PTP4A1: variants seen among roughly 807,000 people sequenced by gnomAD.
The protein encoded by PTP4A1 is protein tyrosine phosphatase type IVA 1.
PTP4A1 carries 9 observed loss-of-function variants against 20.5 expected under a neutral mutation model. That is an observed-to-expected ratio of 0.44 (90% CI 0.26 to 0.77). The LOEUF (loss-of-function observed/expected upper bound fraction) is 0.77, where lower values mean the gene tolerates loss of function less well. Ranked by LOEUF, PTP4A1 falls within the 30% of genes least tolerant of loss-of-function variation. The probability of loss-of-function intolerance (pLI) is 0.19; values close to 1 mark genes in which losing one functional copy is unlikely to be tolerated. For missense variants in PTP4A1, 137 were observed against 218.8 expected, an observed-to-expected ratio of 0.63 and a Z score of 2.36; for synonymous variants, 78 against 67.4, an observed-to-expected ratio of 1.16 and a Z score of -0.77.
upstream of PTP4A1, chr6:63,572,144 GT>G (rs1385051883): frequency 6.6e-6 from 1 of 152,482 alleles, no homozygotes; most frequent in Non-Finnish European, 1.5e-5. Flanking sequence ...CTCCTGGACC[GT>G]TTTAATTATG....
At chr6:63,535,074 T>C (rs1050355041) in intron 2 of PTP4A1, among the ~76,000 whole-genome samples, 2 of 150,962 alleles carry the variant, frequency 1.3e-5, no homozygotes, top group African/African-American at 4.9e-5. Flanking sequence ...ATAATAATAA[T>C]AATAATTGTA....
upstream of PTP4A1, among the ~76,000 whole-genome samples, chr6:63,519,798 A>C (rs983498395): frequency 6.6e-6 from 1 of 152,236 alleles, no homozygotes; most frequent in East Asian, 1.9e-4. Context: ...AACCAATAAG[A>C]AAATTAGAAA....
At chr6:63,565,032 G>A (rs1239279706) in intron 3 of PTP4A1, among the ~76,000 whole-genome samples, 1 of 152,130 alleles carries the variant, frequency 6.6e-6, no homozygotes, top group Non-Finnish European at 1.5e-5. Flanking sequence ...CCTTGAGAGA[G>A]AGGGTCTTTG....
chr6:63,576,905 C>T lies in PTP4A1; in HGVS notation c.25C>T (p.Pro9Ser). Residue 9 changes from proline to serine, a missense_variant, in exon 2 of 6, where the codon CCT becomes TCT. By Grantham distance (74) the Pro-to-Ser change is moderately conservative (BLOSUM62 -1). Coordinates refer to ENST00000626021, the MANE Select transcript of PTP4A1 (RefSeq NM_003463.5). The stretch of plus-strand genomic sequence containing the variant: ...CATGGCTCGAATGAACCGCCCAGCT[C>T]CTGTGGAAGTCACATACAAGAACAT... MARMNRPA[P>S]VEVTYKNMRF... The T allele has an allele frequency of 6.2e-7, 1 of 1,613,642 alleles. No individual in the cohort carries two copies. The highest frequency in any genetic ancestry group is 8.5e-7 in the Non-Finnish European group (1 of 1,179,984).
At chr6:63,553,513 G>A (rs566138332) in intron 3 of PTP4A1, among the ~76,000 whole-genome samples, 22 of 152,158 alleles carry the variant, frequency 1.4e-4, no homozygotes, top group Admixed American at 3.9e-4. Context: ...AGCCAGTTTG[G>A]TATCCTGTCA....
upstream of PTP4A1, among the ~76,000 whole-genome samples, chr6:63,569,523 C>T (rs1310556276): frequency 2.6e-5 from 4 of 152,218 alleles, no homozygotes; most frequent in Non-Finnish European, 4.4e-5. Flanking sequence ...CTTGGTCTCC[C>T]AAAGTACTGG....
At chr6:63,576,237 A>G (rs556420539) in intron 1 of PTP4A1, among the ~76,000 whole-genome samples, 199 bp from the exon 2 acceptor site, 6 of 152,106 alleles carry the variant, frequency 3.9e-5, no homozygotes, top group East Asian at 3.9e-4. Context: ...AGTTTAATCT[A>G]TCTGACTGCT....
At chr6:63,565,811 A>G (rs1165436265) in intron 3 of PTP4A1, among the ~76,000 whole-genome samples, 7 of 152,260 alleles carry the variant, frequency 4.6e-5, no homozygotes, top group African/African-American at 7.2e-5. Context: ...AACTTACTCA[A>G]AAGACTTTTG....
At chr6:63,520,310 A>G (rs1774873243), upstream of PTP4A1, among the ~76,000 whole-genome samples, 1 of 152,172 alleles carries the variant, frequency 6.6e-6, no homozygotes, top group Non-Finnish European at 1.5e-5. Context: ...TTGCTAATGA[A>G]TAGGAAAAAT....
chr6:63,582,194 T>G lies in PTP4A1; in HGVS notation c.*2020T>G, dbSNP rs953243740. On this transcript the variant is annotated 3_prime_UTR_variant, in exon 6 of 6. Coordinates refer to ENST00000626021, the MANE Select transcript of PTP4A1 (RefSeq NM_003463.5). ...GCTAATTTTTAACCTGAGGTTTTGTTTTTTTTTTAAAGGAAATGCAGCCTA... is the reference window on the plus strand; with the variant it reads ...GCTAATTTTTAACCTGAGGTTTTGTGTTTTTTTTAAAGGAAATGCAGCCTA... 2 of 150,120 alleles carry G rather than the reference T, an allele frequency of 1.3e-5. No individual in the cohort carries two copies. Among genetic ancestry groups the G allele is most frequent in the South Asian group, 2.1e-4 (1 of 4,780 alleles). The allele number at this position is 150,120 out of a possible 1,614,324, so 9.3% of individuals were successfully genotyped here.
chr6:63,556,820 T>C (rs2149493212), intron 3 of PTP4A1, among the ~76,000 whole-genome samples: 1 of 152,284 alleles, frequency 6.6e-6, no homozygotes, highest in Non-Finnish European at 1.5e-5. Context: ...AATGCCCAAA[T>C]ATAACAAGCA....
rs189385032 is a variant in PTP4A1, at chr6:63,531,894, C to T, written c.-640+3810C>T. On this transcript the variant is annotated intron_variant, in intron 2 of 3. Coordinates refer to the PTP4A1 transcript ENST00000639568. ...CCAGGCTCACTGCAACCTTGCCTCCCGGGTTCAAGCAATTCTCTGCCTCAG... is the reference window on the plus strand; with the variant it reads ...CCAGGCTCACTGCAACCTTGCCTCCTGGGTTCAAGCAATTCTCTGCCTCAG... Among the ~76,000 whole-genome samples the T allele has an allele frequency of 2.2e-4, 33 of 152,024 alleles. 2 individuals are homozygous for T. In the East Asian group the frequency reaches 3.7e-3, roughly 17 times the overall value.
upstream of PTP4A1, chr6:63,571,772 T>C (rs1777439088): frequency 6.6e-6 from 1 of 152,066 alleles, no homozygotes; most frequent in Admixed American, 6.6e-5. Flanking sequence ...AAAAAGAATA[T>C]AGGGAGCATA....
chr6:63,563,434 C>G (rs1308216478), intron 3 of PTP4A1, among the ~76,000 whole-genome samples: 1 of 152,182 alleles, frequency 6.6e-6, no homozygotes, highest in African/African-American at 2.4e-5. Flanking sequence ...CTCTCTTCCT[C>G]CCCCTCTTTT....
chr6:63,532,866 A>G (rs1252059162), intron 2 of PTP4A1, among the ~76,000 whole-genome samples: 1 of 152,216 alleles, frequency 6.6e-6, no homozygotes, highest in African/African-American at 2.4e-5. Flanking sequence ...ATTTTTTGTT[A>G]CACTGATCAA....
chr6:63,534,963 G>A (rs537295443), intron 2 of PTP4A1, among the ~76,000 whole-genome samples: 3 of 152,094 alleles, frequency 2.0e-5, no homozygotes, highest in Admixed American at 1.3e-4. Context: ...TGGAAGCTGA[G>A]GCAGGAGAAT....
At chr6:63,535,984 G>A (rs1017045184) in intron 2 of PTP4A1, among the ~76,000 whole-genome samples, 3 of 152,018 alleles carry the variant, frequency 2.0e-5, no homozygotes, top group South Asian at 4.1e-4. Context: ...TGTTGGCCAG[G>A]GTGGCCTGGA....
At position 63,572,513 on chromosome 6, in the gene PTP4A1, G is replaced by GGCCGGCTCGGCTACGC; in HGVS notation, c.-649_-634dup. 2 of 391,692 alleles carry GGCCGGCTCGGCTACGC rather than the reference G, an allele frequency of 5.1e-6. No homozygotes were observed. Among genetic ancestry groups the GGCCGGCTCGGCTACGC allele is most frequent in the South Asian group, 2.5e-4 (2 of 7,886 alleles). 24.3% of individuals were successfully genotyped at this position (391,692 alleles called of 1,614,324 possible). A position where few individuals can be genotyped will look rare whatever the true frequency, so the allele number is the denominator to read the frequency against. On this transcript the variant is annotated 5_prime_UTR_variant, in exon 1 of 6. Coordinates refer to ENST00000626021, the MANE Select transcript of PTP4A1 (RefSeq NM_003463.5). ...GCGTGTATTGGCTCCTTCGGCTGCG[G>GGCCGGCTCGGCTACGC]GCCGGCTCGGCTACGCGCTCTGCTC...
At chr6:63,536,632 A>G (rs2149481121) in intron 2 of PTP4A1, among the ~76,000 whole-genome samples, 1 of 152,276 alleles carries the variant, frequency 6.6e-6, no homozygotes, top group South Asian at 2.1e-4. Flanking sequence ...CTACTGTAAC[A>G]TTTGTGTCAG....
Sources: allele counts gnomAD v4.1 joint callset (sites outside exome capture counted in the v4.1 genomes callset), GRCh38; gene constraint gnomAD v4.1.1; transcripts MANE v1.5; gene names NCBI Gene and HGNC (gene_info 2026-07-23, HGNC 2026-07-21).